The following PLPPR1 variants were observed in gnomAD, a reference collection of about 807,000 sequenced individuals.
PLPPR1 encodes phospholipid phosphatase-related protein type 1.
A neutral mutation model predicts 33.1 loss-of-function variants in PLPPR1; 10 were observed. The ratio of observed to expected loss-of-function variants is 0.30; its 90% CI spans 0.19 to 0.51. The LOEUF is 0.51. PLPPR1 is among the 20% of genes least tolerant of loss of function. PLPPR1 has a pLI of 0.97. For missense variants in PLPPR1, 304 were observed against 408.1 expected (o/e 0.74, Z 2.20); for synonymous variants, 151 against 151.0 (o/e 1.00, Z 0.00).
intron 1 of PLPPR1, among the ~76,000 whole-genome samples, chr9:101,094,696 C>T (rs866068499): frequency 7.2e-5 from 11 of 152,288 alleles, no homozygotes; most frequent in Middle Eastern, 6.8e-3. Flanking sequence ...AAACACTGCA[C>T]ATAGGTTGCC....
chr9:101,136,026 G>A (rs943671204), intron 1 of PLPPR1, among the ~76,000 whole-genome samples: 1 of 152,192 alleles, frequency 6.6e-6, no homozygotes, highest in Non-Finnish European at 1.5e-5. Flanking sequence ...AGGGATTTAG[G>A]AAAGTTTCTC....
At chr9:101,320,825 C>A (rs1453858850) in intron 7 of PLPPR1, among the ~76,000 whole-genome samples, 1 of 152,090 alleles carries the variant, frequency 6.6e-6, no homozygotes, top group Non-Finnish European at 1.5e-5. Context: ...AAGTAAGGCA[C>A]CAGGTTTAAG....
chr9:101,302,750 T>A (rs1828777115), intron 4 of PLPPR1, among the ~76,000 whole-genome samples: 1 of 152,168 alleles, frequency 6.6e-6, no homozygotes, highest in African/African-American at 2.4e-5. Flanking sequence ...TCATTTTTTC[T>A]ACCAAAACAG....
At chr9:101,171,922 G>T (rs149846847) in intron 1 of PLPPR1, among the ~76,000 whole-genome samples, 2 of 152,102 alleles carry the variant, frequency 1.3e-5, no homozygotes, top group African/African-American at 4.8e-5. Context: ...TCCCTTTTGG[G>T]ATCATGGCTT....
intron 1 of PLPPR1, among the ~76,000 whole-genome samples, chr9:101,173,145 G>T (rs533985331): frequency 3.3e-5 from 5 of 152,086 alleles, no homozygotes; most frequent in African/African-American, 1.2e-4. Context: ...GAAATGAAAA[G>T]ATTTTAACTA....
intron 2 of PLPPR1, among the ~76,000 whole-genome samples, chr9:101,258,931 C>T (rs562495938): frequency 1.2e-4 from 19 of 152,208 alleles, no homozygotes; most frequent in Middle Eastern, 3.4e-3. Context: ...TATCACTATA[C>T]GTTTAACATT....
At chr9:101,314,158 C>A (rs975813625) in intron 6 of PLPPR1, among the ~76,000 whole-genome samples, 1 of 152,162 alleles carries the variant, frequency 6.6e-6, no homozygotes, top group South Asian at 2.1e-4. Flanking sequence ...GGAAGCCTCC[C>A]CAAGGAGAAA....
intron 4 of PLPPR1, among the ~76,000 whole-genome samples, chr9:101,295,258 C>G (rs1262155613): frequency 3.3e-5 from 5 of 151,802 alleles, no homozygotes; most frequent in Admixed American, 3.3e-4. Context: ...CGTGAAGGAC[C>G]TCTTCAAGGA....
chr9:101,051,278 A>T (rs1350642639), intron 1 of PLPPR1, among the ~76,000 whole-genome samples: 1 of 151,140 alleles, frequency 6.6e-6, no homozygotes, highest in African/African-American at 2.4e-5. Context: ...TACTACTTCT[A>T]CTACTACTAC....
chr9:101,062,421 A>G (rs183293884), intron 1 of PLPPR1, among the ~76,000 whole-genome samples: 1 of 152,058 alleles, frequency 6.6e-6, no homozygotes, highest in Admixed American at 6.6e-5. Context: ...ATACAGGCTA[A>G]TATTCCTTTA....
intron 1 of PLPPR1, among the ~76,000 whole-genome samples, chr9:101,069,035 G>T (rs1258649036): frequency 6.6e-6 from 1 of 151,972 alleles, no homozygotes; most frequent in Non-Finnish European, 1.5e-5. Context: ...GAATTCCCCT[G>T]GTGGCATTTA....
chr9:101,299,891 C>A (rs1828717964), intron 4 of PLPPR1, among the ~76,000 whole-genome samples: 1 of 152,244 alleles, frequency 6.6e-6, no homozygotes, highest in African/African-American at 2.4e-5. Context: ...CTCTATCCAA[C>A]AAATGCCAAT....
intron 1 of PLPPR1, among the ~76,000 whole-genome samples, chr9:101,153,756 T>TTTG (rs1327144961): frequency 6.6e-6 from 1 of 151,436 alleles, no homozygotes; most frequent in Non-Finnish European, 1.5e-5. Flanking sequence ...TTTGTATTTT[T>TTTG]TTTTTTTTAG....
chr9:101,145,804 G>A (rs1197871385), intron 1 of PLPPR1, among the ~76,000 whole-genome samples: 2 of 145,896 alleles, frequency 1.4e-5, no homozygotes, highest in Non-Finnish European at 3.0e-5. Context: ...AGGATGGCTT[G>A]AGACCAGCCT....
In PLPPR1 at chr9:101,167,044, T is replaced by C. The variant is rs529861955; in HGVS notation, c.-45-18406T>C. Among the ~76,000 whole-genome samples the C allele has an allele frequency of 7.6e-4, 65 of 85,688 alleles. 2 individuals carry two copies. The East Asian group carries it at 0.014, about 19-fold the overall frequency. 56.2% of individuals were successfully genotyped at this position (85,688 alleles called of 152,430 possible). Reference sequence around the variant, plus strand: ...ATTTCTGAGGGTGCCAGAAGATCTATTGAAAAAAAAAAAAAAAACACTGTT... The same window carrying C: ...ATTTCTGAGGGTGCCAGAAGATCTACTGAAAAAAAAAAAAAAAACACTGTT... On this transcript the variant is annotated intron_variant, in intron 1 of 7. Transcript: ENST00000374874.
At chr9:101,177,356 T>C (rs967054986) in intron 1 of PLPPR1, among the ~76,000 whole-genome samples, 1 of 152,232 alleles carries the variant, frequency 6.6e-6, no homozygotes, top group African/African-American at 2.4e-5. Flanking sequence ...TATTGTATTC[T>C]TTTTCAATGC....
intron 4 of PLPPR1, among the ~76,000 whole-genome samples, chr9:101,299,903 G>A (rs575701729): frequency 4.6e-5 from 7 of 152,194 alleles, no homozygotes; most frequent in African/African-American, 1.7e-4. Context: ...AATGCCAATA[G>A]CACTCACTCC....
chr9:101,125,686 T>G, intron 1 of PLPPR1: 1 of 630,884 alleles, frequency 1.6e-6, no homozygotes, highest in Middle Eastern at 3.5e-4. Flanking sequence ...CAATGACCAT[T>G]GTAACATTAC....
chr9:101,222,548 C>A (rs1214684350), intron 2 of PLPPR1, among the ~76,000 whole-genome samples: 3 of 152,194 alleles, frequency 2.0e-5, no homozygotes, highest in Non-Finnish European at 4.4e-5. Context: ...TATTTGAGTT[C>A]TATGTAAGAT....
Sources: allele counts gnomAD v4.1 joint callset (sites outside exome capture counted in the v4.1 genomes callset), GRCh38; gene constraint gnomAD v4.1.1; transcripts MANE v1.5; gene names NCBI Gene and HGNC (gene_info 2026-07-23, HGNC 2026-07-21).